Variants in CACNA2D4 observed in about 807,000 individuals in gnomAD.
The protein encoded by CACNA2D4 is voltage-dependent calcium channel subunit alpha-2/delta-4.
Under a neutral mutation model 163.8 loss-of-function variants are expected in CACNA2D4, and 157 were observed. The observed-to-expected ratio is 0.96, with a 90% CI of 0.84 to 1.09. The LOEUF (loss-of-function observed/expected upper bound fraction) is 1.09, where lower values mean the gene tolerates loss of function less well. Ranked by LOEUF, CACNA2D4 falls within the 50% of genes least tolerant of loss-of-function variation. CACNA2D4 has a pLI of 0.00. For missense variants in CACNA2D4, 1,410 were observed against 1,479.9 expected (o/e 0.95, Z 0.78); for synonymous variants, 598 against 586.9 (o/e 1.02, Z -0.27).
chr12:1,830,785 T>A (rs1246858969), intron 26 of CACNA2D4: 5 of 657,932 alleles, frequency 7.6e-6, no homozygotes, highest in Non-Finnish European at 1.3e-5. Context: ...TATGCTTTTA[T>A]GTGGTTAATA....
chr12:1,846,887 C>G (rs531076000), intron 23 of CACNA2D4, among the ~76,000 whole-genome samples, 198 bp from the exon 24 acceptor site: 1 of 152,230 alleles, frequency 6.6e-6, no homozygotes, highest in Non-Finnish European at 1.5e-5. Context: ...GTTTCAGGCC[C>G]GGCTTCCGGG....
intron 18 of CACNA2D4, among the ~76,000 whole-genome samples, chr12:1,862,830 T>C (rs1592718118): frequency 6.6e-6 from 1 of 152,350 alleles, no homozygotes; most frequent in East Asian, 1.9e-4. Context: ...CTTTAGTCTT[T>C]TTGTTATTGC....
chr12:1,834,821 C>T lies in CACNA2D4; in HGVS notation c.2551+5918G>A, dbSNP rs910511209. ...GACCCGGCGCTGGCCACTGCCTCCC[C>T]GAGTCCACCCTCCTCCCCGCCCTCC... On this transcript the variant is annotated intron_variant, in intron 26 of 37. Coordinates refer to ENST00000382722, the MANE Select transcript of CACNA2D4 (RefSeq NM_172364.5). The surrounding 1 kb of genome is among the most constrained non-coding windows in gnomAD (Gnocchi z 7.6). 31 of 1,444,650 alleles carry T rather than the reference C, an allele frequency of 2.1e-5. No homozygotes were observed. The highest frequency in any genetic ancestry group is 2.8e-5 in the African/African-American group (2 of 70,332). The allele number at this position is 1,444,650 out of a possible 1,614,324, so 89.5% of individuals were successfully genotyped here.
rs376811380 is a variant in CACNA2D4 at position 1,907,713 on chromosome 12, G to T, written c.650-142C>A. 8.9e-4 allele frequency: 1,072 copies of T among 1,199,662 alleles called. 17 individuals are homozygous for T. The South Asian group carries it at 0.014, about 16-fold the overall frequency. The allele number at this position is 1,199,662 out of a possible 1,614,324, so 74.3% of individuals were successfully genotyped here. ...GTGGGTGTGCCTGGTGGGCGTGTCT[G>T]GTGGACGGCCTGGTGGGCGTGCCTG... On this transcript the variant is annotated intron_variant, in intron 5 of 37. Coordinates refer to ENST00000382722, the MANE Select transcript of CACNA2D4 (RefSeq NM_172364.5).
At chr12:1,846,888 G>A (rs1203630419) in intron 23 of CACNA2D4, among the ~76,000 whole-genome samples, 199 bp from the exon 24 acceptor site, 5 of 152,358 alleles carry the variant, frequency 3.3e-5, no homozygotes, top group Admixed American at 1.3e-4. Flanking sequence ...TTTCAGGCCC[G>A]GCTTCCGGGC....
rs1865393128 is a variant in CACNA2D4, at chr12:1,856,087, C to A, written c.2077G>T (p.Asp693Tyr). The change falls in exon 22 of 38, where the codon GAC becomes TAC. Residue 693 changes from aspartate (D) to tyrosine (Y), a missense_variant. Transcript: ENST00000382722. ...GDWIYCITDI[D>Y]PDHRKLSQLE... Reference sequence around the variant, plus strand: ...TGGCTGAGCTTCCGGTGGTCTGGGTCAATATCTGTGATGCAGTAGATCCTG... The same window carrying A: ...TGGCTGAGCTTCCGGTGGTCTGGGTAAATATCTGTGATGCAGTAGATCCTG... 6.2e-7 allele frequency: 1 copy of A among 1,613,906 alleles called. No homozygotes were observed. Among genetic ancestry groups the A allele is most frequent in the South Asian group, 1.1e-5 (1 of 91,058 alleles).
At chr12:1,830,785 T>C in intron 26 of CACNA2D4, 1 of 658,050 alleles carries the variant, frequency 1.5e-6, no homozygotes, top group Non-Finnish European at 2.6e-6. Flanking sequence ...TATGCTTTTA[T>C]GTGGTTAATA....
chr12:1,851,529 T>C (rs1256753890), intron 23 of CACNA2D4, among the ~76,000 whole-genome samples: 1 of 152,228 alleles, frequency 6.6e-6, no homozygotes, highest in Non-Finnish European at 1.5e-5. Flanking sequence ...CCTTTTGGGT[T>C]CCTGTGGTCT....
Position 1,883,769 on chromosome 12 carries a change from T to C in CACNA2D4, c.1351+474A>G, listed in dbSNP as rs1866064597. On this transcript the variant is annotated intron_variant, in intron 12 of 37. Coordinates refer to ENST00000382722, the MANE Select transcript of CACNA2D4 (RefSeq NM_172364.5). The surrounding 1 kb of genome is among the most constrained non-coding windows in gnomAD (Gnocchi z 4.5). ...ACATTTCAGGCTGCATCGTGGGTGGTGTTTTACTTGTATGTCTCCCTGCTG... is the reference window on the plus strand; with the variant it reads ...ACATTTCAGGCTGCATCGTGGGTGGCGTTTTACTTGTATGTCTCCCTGCTG... Among the ~76,000 whole-genome samples the C allele has an allele frequency of 6.6e-6, 1 of 152,140 alleles. No individual in the cohort carries two copies. Among genetic ancestry groups the C allele is most frequent in the African/African-American group, 2.4e-5 (1 of 41,416 alleles).
intron 29 of CACNA2D4, among the ~76,000 whole-genome samples, chr12:1,805,266 G>A (rs1248640297): frequency 6.6e-6 from 1 of 152,222 alleles, no homozygotes; most frequent in Non-Finnish European, 1.5e-5. Context: ...GGGGGAAGCA[G>A]ATGGGGGCAG....
chr12:1,893,110 A>AT (rs992378018), intron 6 of CACNA2D4, among the ~76,000 whole-genome samples: 3 of 152,178 alleles, frequency 2.0e-5, no homozygotes, highest in East Asian at 1.9e-4. Flanking sequence ...ACCAAAAAAA[A>AT]TGGATTTAAA....
At chr12:1,902,768 T>C (rs1052984805) in intron 6 of CACNA2D4, among the ~76,000 whole-genome samples, 2 of 152,106 alleles carry the variant, frequency 1.3e-5, no homozygotes, top group African/African-American at 2.4e-5. Flanking sequence ...AGAATTAATA[T>C]AGTTAAAATG....
At chr12:1,916,414 G>A (rs927070393) in intron 1 of CACNA2D4, among the ~76,000 whole-genome samples, 2 of 152,190 alleles carry the variant, frequency 1.3e-5, no homozygotes, top group African/African-American at 2.4e-5. Context: ...ATAAGCACTG[G>A]GTATGTGTCT....
chr12:1,808,284 T>G (rs549760114), intron 29 of CACNA2D4, among the ~76,000 whole-genome samples: 59 of 152,362 alleles, frequency 3.9e-4, no homozygotes, highest in African/African-American at 1.4e-3. Context: ...CTACAGCCCG[T>G]AGGCCAAGCC....
At chr12:1,846,542 G>T in intron 24 of CACNA2D4, 52 bp downstream of exon 24, 1 of 1,420,536 alleles carries the variant, frequency 7.0e-7, no homozygotes, top group Non-Finnish European at 9.6e-7. Flanking sequence ...TGGGACTCTG[G>T]CCCTCTCTGC....
chr12:1,840,834 A>C lies in CACNA2D4; in HGVS notation c.2471-15T>G. On this transcript the variant is annotated splice_polypyrimidine_tract_variant and intron_variant, in intron 25 of 37. Coordinates refer to ENST00000382722, the MANE Select transcript of CACNA2D4 (RefSeq NM_172364.5). The stretch of plus-strand genomic sequence containing the variant: ...ACCCGCACTTTCTGGGGAAACAGAG[A>C]CAACCCAGTCATGGGGAAGAGCTGT... 6.7e-7 allele frequency: 1 copy of C among 1,501,610 alleles called. No homozygotes were observed. The highest frequency in any genetic ancestry group is 2.5e-5 in the East Asian group (1 of 40,202). The allele number at this position is 1,501,610 out of a possible 1,614,324, so 93.0% of individuals were successfully genotyped here.
At chr12:1,818,840 C>G (rs1863980764) in intron 26 of CACNA2D4, among the ~76,000 whole-genome samples, 1 of 141,928 alleles carries the variant, frequency 7.0e-6, no homozygotes, top group Non-Finnish European at 1.5e-5. Flanking sequence ...TACCCAGGGA[C>G]ACAAACACTG....
intron 29 of CACNA2D4, among the ~76,000 whole-genome samples, chr12:1,804,199 C>A (rs1271484896): frequency 6.6e-6 from 1 of 150,932 alleles, no homozygotes; most frequent in Non-Finnish European, 1.5e-5. Context: ...CAGCAGGATT[C>A]TAGGGGACAG....
intron 16 of CACNA2D4, among the ~76,000 whole-genome samples, chr12:1,877,172 C>T (rs1298096067): frequency 2.0e-5 from 3 of 152,196 alleles, no homozygotes; most frequent in African/African-American, 7.2e-5. Flanking sequence ...TTCACTGCAT[C>T]GTGAGGTCAG....
Sources: allele counts gnomAD v4.1 joint callset (sites outside exome capture counted in the v4.1 genomes callset), GRCh38; gene constraint gnomAD v4.1.1; non-coding constraint Gnocchi (gnomAD v3.1); transcripts MANE v1.5; gene names NCBI Gene and HGNC (gene_info 2026-07-23, HGNC 2026-07-21).